The following RIC3 variants were observed in gnomAD, a reference collection of about 807,000 sequenced individuals.
The protein encoded by RIC3 is RIC3 acetylcholine receptor chaperone.
RIC3 carries 28 observed loss-of-function variants against 27.3 expected under a neutral mutation model. The ratio of observed to expected loss-of-function variants is 1.02; its 90% CI spans 0.76 to 1.41. The LOEUF (loss-of-function observed/expected upper bound fraction) is 1.41, where lower values mean the gene tolerates loss of function less well. RIC3 is among the 40% of genes most tolerant of loss of function. The pLI is 0.00. For synonymous variants in RIC3, 184 were observed against 160.4 expected, an observed-to-expected ratio of 1.15 and a Z score of -1.11; for missense variants, 501 against 444.7, an observed-to-expected ratio of 1.13 and a Z score of -1.14.
At chr11:8,101,212 G>A (rs1043712006), downstream of RIC3, among the ~76,000 whole-genome samples, 19 of 152,278 alleles carry the variant, frequency 1.2e-4, no homozygotes, top group Admixed American at 3.3e-4. Context: ...TGTATTCAAC[G>A]GAGTCTCAGG....
chr11:8,116,229 A>G (rs1015139247), intron 5 of RIC3, among the ~76,000 whole-genome samples: 2 of 152,228 alleles, frequency 1.3e-5, no homozygotes, highest in African/African-American at 4.8e-5. Flanking sequence ...ATCCACATGC[A>G]AAACAGTGAA....
chr11:8,123,153 G>C (rs1392481512), intron 5 of RIC3, among the ~76,000 whole-genome samples: 3 of 151,026 alleles, frequency 2.0e-5, no homozygotes, highest in Non-Finnish European at 4.4e-5. Flanking sequence ...TAAACCTGAA[G>C]ACATAGCAAG....
the RIC3 span, among the ~76,000 whole-genome samples, chr11:8,095,232 G>T: frequency 1.6e-3 from 249 of 152,250 alleles, 1 homozygote; most frequent in Admixed American, 3.3e-3. Flanking sequence ...GATGGCTGCC[G>T]TCTGCTTTAA....
chr11:8,104,010 T>TGTC (rs930743341), downstream of RIC3: 16 of 152,218 alleles, frequency 1.1e-4, no homozygotes, highest in African/African-American at 3.9e-4. Flanking sequence ...CACAAAACTC[T>TGTC]GTCAGGCATT....
intron 1 of RIC3, among the ~76,000 whole-genome samples, chr11:8,162,629 C>CT (rs757717970): frequency 0.19 from 15,929 of 83,476 alleles, 3,000 homozygotes; most frequent in East Asian, 0.28. Flanking sequence ...CATGCTTCTT[C>CT]TTTTTTTTTT....
At chr11:8,126,947 C>T in intron 4 of RIC3, 140 bp from the exon 5 acceptor site, 1 of 944,822 alleles carries the variant, frequency 1.1e-6, no homozygotes, top group Non-Finnish European at 1.6e-6. Context: ...GATCCTCCAA[C>T]TGCATAGCTG....
the RIC3 span, chr11:8,100,439 C>A: frequency 3.8e-6 from 5 of 1,301,940 alleles, no homozygotes; most frequent in South Asian, 1.2e-5. Context: ...ATTCCCGTCC[C>A]CCCCACCTTC....
chr11:8,121,344 G>A (rs1946425539), intron 5 of RIC3, among the ~76,000 whole-genome samples: 1 of 152,108 alleles, frequency 6.6e-6, no homozygotes, highest in Admixed American at 6.6e-5. Flanking sequence ...ATAGCTGGTT[G>A]CATTTTTTTC....
chr11:8,120,784 C>T (rs928778307), intron 5 of RIC3, among the ~76,000 whole-genome samples: 1 of 151,718 alleles, frequency 6.6e-6, no homozygotes, highest in African/African-American at 2.4e-5. Flanking sequence ...AAACAGGTAA[C>T]CTATTGAGAA....
rs755074483 is a variant in RIC3 at position 8,168,829 on chromosome 11, GC to G, written c.124+36del. On this transcript the variant is annotated intron_variant, in intron 1 of 5. Coordinates refer to ENST00000309737, the MANE Select transcript of RIC3 (RefSeq NM_001206671.4). ...CAAGCAGCGTTCTCCGTACTCTTCGGCGCCGGGAAGCTCAGAGGGAGCTGGC... is the reference window on the plus strand; with the variant it reads ...CAAGCAGCGTTCTCCGTACTCTTCGGGCCGGGAAGCTCAGAGGGAGCTGGC... 2.5e-6 allele frequency: 4 copies of G among 1,597,188 alleles called. No individual in the cohort carries two copies. The Admixed American group carries it at 5.2e-5, about 21-fold the overall frequency.
the RIC3 span, among the ~76,000 whole-genome samples, chr11:8,094,631 A>G: frequency 2.6e-5 from 4 of 152,126 alleles, no homozygotes; most frequent in African/African-American, 9.7e-5. Context: ...CCTTGACTCC[A>G]TATTCTAGTC....
the RIC3 span, chr11:8,095,719 G>C: frequency 6.5e-6 from 10 of 1,528,692 alleles, no homozygotes; most frequent in Non-Finnish European, 8.8e-6. Flanking sequence ...CAGGTTCTCA[G>C]ATGCACCTTT....
chr11:8,127,245 G>A (rs1334425611), intron 4 of RIC3, among the ~76,000 whole-genome samples: 3 of 152,110 alleles, frequency 2.0e-5, no homozygotes, highest in Non-Finnish European at 2.9e-5. Flanking sequence ...AGCATCAACC[G>A]GGGAAAATTT....
At chr11:8,125,422 C>A (rs557194456) in intron 5 of RIC3, among the ~76,000 whole-genome samples, 71 of 152,220 alleles carry the variant, frequency 4.7e-4, no homozygotes, top group Admixed American at 1.6e-3. Flanking sequence ...GGAATATATA[C>A]AGAACTCTTG....
At chr11:8,117,576 A>C (rs1378643702) in intron 5 of RIC3, among the ~76,000 whole-genome samples, 1 of 151,462 alleles carries the variant, frequency 6.6e-6, no homozygotes, top group African/African-American at 2.4e-5. Flanking sequence ...CAAAGGACAT[A>C]AAATTTCAGC....
chr11:8,104,514 T>A (rs1466232116), downstream of RIC3: 1 of 152,248 alleles, frequency 6.6e-6, no homozygotes, highest in Non-Finnish European at 1.5e-5. Context: ...ATTATATTCC[T>A]GAGAATGAAT....
rs552405616 is a variant in RIC3 at position 8,166,008 on chromosome 11, C to G, written c.124+2858G>C. Among the ~76,000 whole-genome samples, 32 of 152,184 alleles carry G rather than the reference C, an allele frequency of 2.1e-4. 1 individual carries two copies. In the South Asian group the frequency reaches 5.4e-3, roughly 26 times the overall value. The stretch of plus-strand genomic sequence containing the variant: ...CTTGTTATGTGGCCCAAGCTGGTCT[C>G]GAACTCCCAGGCTCAAGCAATCCTT... On this transcript the variant is annotated intron_variant, in intron 1 of 5. Transcript: ENST00000309737.
At chr11:8,136,937 T>C (rs1948490051) in intron 4 of RIC3, among the ~76,000 whole-genome samples, 1 of 152,148 alleles carries the variant, frequency 6.6e-6, no homozygotes, top group African/African-American at 2.4e-5. Context: ...AATACGTAAA[T>C]GACATATTTA....
the RIC3 span, among the ~76,000 whole-genome samples, chr11:8,093,542 T>C: frequency 6.6e-6 from 1 of 152,180 alleles, no homozygotes. Context: ...TGTAGCTTCT[T>C]GTGTCCCAGA....
Sources: allele counts gnomAD v4.1 joint callset (sites outside exome capture counted in the v4.1 genomes callset), GRCh38; gene constraint gnomAD v4.1.1; transcripts MANE v1.5; gene names NCBI Gene and HGNC (gene_info 2026-07-23, HGNC 2026-07-21).